KCNH5: variants seen among roughly 807,000 people sequenced by gnomAD.
KCNH5 encodes the protein voltage-gated delayed rectifier potassium channel KCNH5.
In KCNH5, 46 loss-of-function variants were observed where a neutral mutation model predicts 96.1. That is an observed-to-expected ratio of 0.48 (90% confidence interval 0.38 to 0.61). The LOEUF (loss-of-function observed/expected upper bound fraction) is 0.61, where lower values mean the gene tolerates loss of function less well. Ranked by LOEUF, KCNH5 falls within the 20% of genes least tolerant of loss-of-function variation. The pLI is 0.00. For synonymous variants in KCNH5, 439 were observed against 449.8 expected (o/e 0.98, Z 0.30); for missense variants, 907 against 1,225.8 (o/e 0.74, Z 3.88).
At chr14:62,851,498 T>TA (rs35528081) in intron 7 of KCNH5, among the ~76,000 whole-genome samples, 55,496 of 113,828 alleles carry the variant, frequency 0.49, 11,784 homozygotes, top group Admixed American at 0.6. Context: ...AGGTCTTTCC[T>TA]AAAAAAAAAA....
In KCNH5 at chr14:62,950,299, G is replaced by A. The variant is rs377167531; in HGVS notation, c.1203C>T (p.Arg401=). 13 of 1,613,878 alleles carry A rather than the reference G, an allele frequency of 8.1e-6. No individual in the cohort carries two copies. Among genetic ancestry groups the A allele is most frequent in the Non-Finnish European group, 1.1e-5 (13 of 1,179,958 alleles). ...QLALSIGTPY[R]YNTSAGIWEG... is the part of the protein sequence containing the mutation. ...CCCATATCCCAGCACTGGTATTGTA[G>A]CGATATGGAGTCCCAATGCTCAAAG... is the stretch of plus-strand genomic sequence containing the variant. The change falls in exon 7 of 11, where the codon CGC becomes CGT. Residue 401 remains arginine (R), a synonymous_variant. Transcript: ENST00000322893.
intron 8 of KCNH5, among the ~76,000 whole-genome samples, chr14:62,818,368 C>T (rs953775047): frequency 6.6e-6 from 1 of 151,874 alleles, no homozygotes; most frequent in Non-Finnish European, 1.5e-5. Context: ...AATTATACCT[C>T]AATAAAGCAG....
In KCNH5 at chr14:62,880,077, T is replaced by C. The variant is rs76636261; in HGVS notation, c.1370-30225A>G. On this transcript the variant is annotated intron_variant, in intron 7 of 10. Coordinates refer to ENST00000322893, the MANE Select transcript of KCNH5 (RefSeq NM_139318.5). The stretch of plus-strand genomic sequence containing the variant: ...ATTAGAAATGTATTATTACATTCAG[T>C]GAAGTTTTGGATGGTGACTATATGT... Among the ~76,000 whole-genome samples the C allele has an allele frequency of 8.1e-4, 124 of 152,324 alleles. 1 individual carries two copies. In the East Asian group the frequency reaches 0.023, roughly 28 times the overall value.
chr14:62,786,740 C>A (rs1299102992), intron 9 of KCNH5, among the ~76,000 whole-genome samples: 1 of 152,096 alleles, frequency 6.6e-6, no homozygotes, highest in Non-Finnish European at 1.5e-5. Context: ...TTTGGTAATT[C>A]TCACAGTATT....
chr14:62,773,282 A>G (rs1460952920), intron 10 of KCNH5, among the ~76,000 whole-genome samples: 2 of 152,244 alleles, frequency 1.3e-5, no homozygotes, highest in Non-Finnish European at 2.9e-5. Context: ...GTGATATACA[A>G]GACGCATCCT....
chr14:62,712,462 G>T (rs1270712580), intron 10 of KCNH5: 6 of 592,396 alleles, frequency 1.0e-5, no homozygotes, highest in Non-Finnish European at 1.8e-5. Context: ...TTATCACAGA[G>T]AAGCAAATTG....
intron 7 of KCNH5, among the ~76,000 whole-genome samples, chr14:62,919,565 C>T (rs559172536): frequency 1.7e-4 from 26 of 152,072 alleles, no homozygotes; most frequent in East Asian, 3.9e-4. Context: ...AATCTCTGTG[C>T]GCTCAATTTT....
intron 7 of KCNH5, among the ~76,000 whole-genome samples, chr14:62,914,632 TC>T (rs1387108914): frequency 6.6e-6 from 1 of 152,230 alleles, no homozygotes; most frequent in Non-Finnish European, 1.5e-5. Context: ...TGTATGTGTT[TC>T]TTTGGAGGTC....
intron 8 of KCNH5, among the ~76,000 whole-genome samples, chr14:62,834,626 A>T (rs752981411): frequency 6.6e-6 from 1 of 152,020 alleles, no homozygotes; most frequent in Non-Finnish European, 1.5e-5. Flanking sequence ...TGGACTAGAG[A>T]TCTAAAAAGT....
At chr14:62,746,501 C>G (rs1168403355) in intron 10 of KCNH5, among the ~76,000 whole-genome samples, 2 of 152,186 alleles carry the variant, frequency 1.3e-5, no homozygotes, top group Non-Finnish European at 2.9e-5. Context: ...ACCTCGTGCC[C>G]AGATGGCACA....
At chr14:62,767,658 A>G (rs1328480718) in intron 10 of KCNH5, among the ~76,000 whole-genome samples, 1 of 152,188 alleles carries the variant, frequency 6.6e-6, no homozygotes, top group African/African-American at 2.4e-5. Context: ...AACAATAGAC[A>G]CCAGAACCTA....
At chr14:62,980,834 G>A (rs554655758) in intron 6 of KCNH5, 38 bp downstream of exon 6, 9 of 1,589,350 alleles carry the variant, frequency 5.7e-6, no homozygotes, top group Non-Finnish European at 7.7e-6. Flanking sequence ...CAAAATATAT[G>A]ACCCACAGTA....
chr14:62,961,279 A>T (rs1186982785), intron 6 of KCNH5, among the ~76,000 whole-genome samples: 2 of 152,120 alleles, frequency 1.3e-5, no homozygotes, highest in Non-Finnish European at 2.9e-5. Context: ...TCTGTCATAT[A>T]GGACTTCTTT....
intron 7 of KCNH5, among the ~76,000 whole-genome samples, chr14:62,886,988 C>A (rs1364464687): frequency 2.0e-5 from 3 of 152,112 alleles, no homozygotes; most frequent in African/African-American, 7.2e-5. Context: ...AAATGCCAAA[C>A]AAAATGCCAT....
chr14:62,831,496 A>G (rs1360082147), intron 8 of KCNH5, among the ~76,000 whole-genome samples: 2 of 152,300 alleles, frequency 1.3e-5, no homozygotes, highest in East Asian at 1.9e-4. Context: ...GCTTGTTTAC[A>G]TGTTCATCGA....
At chr14:62,967,523 C>T (rs1361114954) in intron 6 of KCNH5, among the ~76,000 whole-genome samples, 3 of 152,008 alleles carry the variant, frequency 2.0e-5, no homozygotes, top group African/African-American at 4.8e-5. Flanking sequence ...TAACCCTTTA[C>T]CTAAATATAA....
intron 10 of KCNH5, among the ~76,000 whole-genome samples, chr14:62,778,376 G>T (rs532776229): frequency 6.6e-6 from 1 of 152,298 alleles, no homozygotes; most frequent in East Asian, 1.9e-4. Context: ...GACCCTCGTG[G>T]TTCAAACCTG....
chr14:62,878,931 C>T, intron 7 of KCNH5, among the ~76,000 whole-genome samples: 1 of 152,054 alleles, frequency 6.6e-6, no homozygotes, highest in East Asian at 1.9e-4. Flanking sequence ...ACCCTAATAA[C>T]TTCATTTTAA....
chr14:62,859,477 G>A (rs1331519432), intron 7 of KCNH5, among the ~76,000 whole-genome samples: 4 of 152,198 alleles, frequency 2.6e-5, no homozygotes, highest in African/African-American at 9.6e-5. Flanking sequence ...GAGGTCACCT[G>A]TTGGTGAGCA....
Sources: allele counts gnomAD v4.1 joint callset (sites outside exome capture counted in the v4.1 genomes callset), GRCh38; gene constraint gnomAD v4.1.1; transcripts MANE v1.5; gene names NCBI Gene and HGNC (gene_info 2026-07-23, HGNC 2026-07-21).